SUPT3H: variants seen among roughly 807,000 people sequenced by gnomAD.
The protein encoded by SUPT3H is transcription initiation protein SPT3 homolog.
In SUPT3H, 44 loss-of-function variants were observed where a neutral mutation model predicts 44.3. The ratio of observed to expected loss-of-function variants is 0.99; its 90% confidence interval spans 0.78 to 1.28. SUPT3H has a LOEUF of 1.28. SUPT3H is among the 50% of genes most tolerant of loss of function. SUPT3H has a pLI of 0.00. For synonymous variants in SUPT3H, 124 were observed against 125.6 expected (o/e 0.99, Z 0.09); for missense variants, 380 against 387.1 (o/e 0.98, Z 0.15).
In SUPT3H at chr6:44,900,364, C is replaced by T. The variant is rs1357141495; in HGVS notation, c.912+32289G>A. Among the ~76,000 whole-genome samples, 4 of 152,336 alleles carry T rather than the reference C, an allele frequency of 2.6e-5. No homozygotes were observed. The South Asian group carries it at 8.3e-4, about 32-fold the overall frequency. On this transcript the variant is annotated intron_variant, in intron 10 of 10. Transcript: ENST00000371459. The stretch of plus-strand genomic sequence containing the variant: ...CCAAAGCTCTTAGCAAACGGCACAC[C>T]AGGAGATTATATTCTGCGCCTGGCT...
intron 10 of SUPT3H, among the ~76,000 whole-genome samples, chr6:44,916,166 A>C (rs1767776130): frequency 6.6e-6 from 1 of 152,248 alleles, no homozygotes; most frequent in Non-Finnish European, 1.5e-5. Flanking sequence ...AATCAGTAAA[A>C]GCAGAAGTAG....
intron 2 of SUPT3H, among the ~76,000 whole-genome samples, chr6:45,295,548 A>AAAAC (rs1781040087): frequency 1.2e-4 from 11 of 90,246 alleles, no homozygotes; most frequent in African/African-American, 4.2e-4. Flanking sequence ...AAAAAAAAAA[A>AAAAC]AAAAAACAGC....
At chr6:45,261,444 C>T (rs564768810) in intron 2 of SUPT3H, among the ~76,000 whole-genome samples, 3 of 151,088 alleles carry the variant, frequency 2.0e-5, no homozygotes, top group African/African-American at 4.8e-5. Flanking sequence ...ATGTGATTCA[C>T]CACACAAAAA....
At chr6:45,233,049 G>C (rs1768367244) in intron 2 of SUPT3H, among the ~76,000 whole-genome samples, 1 of 152,276 alleles carries the variant, frequency 6.6e-6, no homozygotes, top group Admixed American at 6.5e-5. Flanking sequence ...GTTTATTTCA[G>C]CTGGGGGCAG....
At chr6:45,179,610 G>A (rs9395075) in intron 2 of SUPT3H, among the ~76,000 whole-genome samples, 93,831 of 151,936 alleles carry the variant, frequency 0.62, 29,582 homozygotes, top group African/African-American at 0.75. Context: ...GCATATCAAC[G>A]GAACCAAAGA....
chr6:44,888,209 C>T (rs901705623), intron 10 of SUPT3H, among the ~76,000 whole-genome samples: 4 of 152,192 alleles, frequency 2.6e-5, no homozygotes, highest in African/African-American at 9.7e-5. Flanking sequence ...GGTACCATTC[C>T]TTCTGAAACT....
intron 2 of SUPT3H, among the ~76,000 whole-genome samples, chr6:45,178,143 A>T (rs1459609846): frequency 6.6e-6 from 1 of 152,188 alleles, no homozygotes; most frequent in East Asian, 1.9e-4. Context: ...TAAAGAGTCA[A>T]GACCCATCAG....
At chr6:45,168,034 C>T (rs1181529592) in intron 2 of SUPT3H, among the ~76,000 whole-genome samples, 1 of 152,094 alleles carries the variant, frequency 6.6e-6, no homozygotes, top group African/African-American at 2.4e-5. Flanking sequence ...TGGTCTCGAA[C>T]TTCCGACCTC....
At chr6:44,971,137 CAT>C (rs907269966) in intron 6 of SUPT3H, among the ~76,000 whole-genome samples, 17 of 152,130 alleles carry the variant, frequency 1.1e-4, no homozygotes, top group Non-Finnish European at 1.8e-4. Flanking sequence ...TTTTTCTAAA[CAT>C]GTGAAAATAA....
intron 10 of SUPT3H, among the ~76,000 whole-genome samples, chr6:44,905,361 A>T (rs1478036117): frequency 6.6e-6 from 1 of 152,202 alleles, no homozygotes; most frequent in South Asian, 2.1e-4. Flanking sequence ...TGGGCAAAGG[A>T]TACGAACAGA....
In SUPT3H at chr6:45,303,927, A is replaced by T. The variant is rs149912047; in HGVS notation, c.101+61274T>A. 7.2e-3 allele frequency among the ~76,000 whole-genome samples: 1,094 copies of T among 151,038 alleles called. 20 individuals carry two copies. Among genetic ancestry groups the T allele is most frequent in the African/African-American group, 0.025 (1,039 of 41,250 alleles). Reference sequence around the variant, plus strand: ...AGAATTGCTTGAACCCAGGAGGGGGAGGTTGCACCACTGCACTCCAGCCTG... The same window carrying T: ...AGAATTGCTTGAACCCAGGAGGGGGTGGTTGCACCACTGCACTCCAGCCTG... On this transcript the variant is annotated intron_variant, in intron 2 of 10. Coordinates refer to ENST00000371459, the MANE Select transcript of SUPT3H (RefSeq NM_003599.4).
At chr6:45,093,380 T>C (rs1442389476) in intron 3 of SUPT3H, among the ~76,000 whole-genome samples, 2 of 152,162 alleles carry the variant, frequency 1.3e-5, no homozygotes, top group East Asian at 1.9e-4. Context: ...GCCTCACACA[T>C]AGTAGATGTT....
At chr6:45,029,259 T>C (rs1562297008) in intron 3 of SUPT3H, among the ~76,000 whole-genome samples, 1 of 151,602 alleles carries the variant, frequency 6.6e-6, no homozygotes, top group African/African-American at 2.4e-5. Flanking sequence ...TTAAAAAATA[T>C]ATAAGGCTAT....
chr6:44,899,702 A>G (rs1764667739), intron 10 of SUPT3H, among the ~76,000 whole-genome samples: 1 of 152,270 alleles, frequency 6.6e-6, no homozygotes, highest in African/African-American at 2.4e-5. Flanking sequence ...AAACAAAACA[A>G]ACAAACAAAA....
intron 2 of SUPT3H, among the ~76,000 whole-genome samples, chr6:45,354,557 A>C (rs1180480671): frequency 6.6e-6 from 1 of 152,054 alleles, no homozygotes; most frequent in Non-Finnish European, 1.5e-5. Flanking sequence ...GTTTCCTTGG[A>C]TAATAAGGGG....
At chr6:44,921,423 T>C (rs958891944) in intron 10 of SUPT3H, among the ~76,000 whole-genome samples, 2 of 152,130 alleles carry the variant, frequency 1.3e-5, no homozygotes, top group Non-Finnish European at 2.9e-5. Context: ...TTTTAACCAT[T>C]TGCAAGCTGG....
intron 2 of SUPT3H, among the ~76,000 whole-genome samples, chr6:45,185,318 G>T (rs899143439): frequency 6.6e-6 from 1 of 152,148 alleles, no homozygotes; most frequent in African/African-American, 2.4e-5. Context: ...CTGTACAAGT[G>T]GGGGCTAATT....
At chr6:45,267,318 C>G (rs2153660123) in intron 2 of SUPT3H, among the ~76,000 whole-genome samples, 2 of 152,232 alleles carry the variant, frequency 1.3e-5, no homozygotes, top group South Asian at 4.1e-4. Context: ...TCTAAAATCC[C>G]TTACTTCTTC....
At chr6:44,899,939 T>C (rs1415503201) in intron 10 of SUPT3H, among the ~76,000 whole-genome samples, 1 of 152,362 alleles carries the variant, frequency 6.6e-6, no homozygotes, top group Admixed American at 6.5e-5. Context: ...GATAATGTCA[T>C]TGTTTTCTTG....
Sources: allele counts gnomAD v4.1 joint callset (sites outside exome capture counted in the v4.1 genomes callset), GRCh38; gene constraint gnomAD v4.1.1; transcripts MANE v1.5; gene names NCBI Gene and HGNC (gene_info 2026-07-23, HGNC 2026-07-21).